GALNT14: variants seen among roughly 807,000 people sequenced by gnomAD.
GALNT14 encodes the protein polypeptide N-acetylgalactosaminyltransferase 14.
A neutral mutation model predicts 77.5 loss-of-function variants in GALNT14; 60 were observed. The observed-to-expected ratio is 0.77, with a 90% CI of 0.63 to 0.96. The LOEUF (loss-of-function observed/expected upper bound fraction) is 0.96, where lower values mean the gene tolerates loss of function less well. Among genes scored for constraint, GALNT14 ranks in the 40% least tolerant of loss-of-function variants. GALNT14 has a pLI of 0.00. For synonymous variants in GALNT14, 280 were observed against 281.7 expected (o/e 0.99, Z 0.06); for missense variants, 710 against 731.0 (o/e 0.97, Z 0.33).
intron 1 of GALNT14, among the ~76,000 whole-genome samples, chr2:31,023,704 T>C (rs1352757810): frequency 6.6e-6 from 1 of 152,054 alleles, no homozygotes; most frequent in African/African-American, 2.4e-5. Flanking sequence ...GCAGCATCCA[T>C]GGTTGGCACA....
At chr2:31,007,782 T>G (rs969511274) in intron 1 of GALNT14, among the ~76,000 whole-genome samples, 3 of 152,168 alleles carry the variant, frequency 2.0e-5, no homozygotes, top group Non-Finnish European at 4.4e-5. Context: ...CCTTAGTGCA[T>G]TAAAATCAGA....
intron 1 of GALNT14, 75 bp downstream of exon 1, chr2:31,137,883 C>A: frequency 6.5e-7 from 1 of 1,533,922 alleles, no homozygotes; most frequent in South Asian, 1.2e-5. Flanking sequence ...CCCGGGAGCC[C>A]GCAAACCCGG....
At chr2:30,930,832 A>T (rs866946546) in intron 10 of GALNT14, among the ~76,000 whole-genome samples, 17 of 152,362 alleles carry the variant, frequency 1.1e-4, no homozygotes, top group Middle Eastern at 6.8e-3. Flanking sequence ...CCATTAGCAC[A>T]TTGGAAGCTG....
At chr2:30,890,561 A>T in the GALNT14 span, among the ~76,000 whole-genome samples, 2 of 152,180 alleles carry the variant, frequency 1.3e-5, no homozygotes, top group Non-Finnish European at 2.9e-5. Context: ...AAATAGTAAT[A>T]GTAGTACTTG....
At chr2:30,927,174 G>A (rs1196018598) in intron 11 of GALNT14, among the ~76,000 whole-genome samples, 1 of 152,100 alleles carries the variant, frequency 6.6e-6, no homozygotes, top group Non-Finnish European at 1.5e-5. Flanking sequence ...CTGGTGTGGG[G>A]TCTTTAGAAA....
chr2:31,034,207 A>G (rs1270449012), intron 1 of GALNT14, among the ~76,000 whole-genome samples: 1 of 151,834 alleles, frequency 6.6e-6, no homozygotes, highest in African/African-American at 2.4e-5. Context: ...CCTTGCACCA[A>G]CCCTGACCCT....
chr2:30,972,925 T>G (rs1668446740), intron 2 of GALNT14, among the ~76,000 whole-genome samples: 1 of 152,192 alleles, frequency 6.6e-6, no homozygotes, highest in African/African-American at 2.4e-5. Context: ...GGCGAAGATG[T>G]GACCTCAGCA....
At chr2:31,135,709 T>C (rs542357291) in intron 1 of GALNT14, among the ~76,000 whole-genome samples, 1 of 152,330 alleles carries the variant, frequency 6.6e-6, no homozygotes, top group South Asian at 2.1e-4. Flanking sequence ...CTTCTGCTAC[T>C]AAACCACTCC....
At chr2:31,042,777 G>C (rs999486444) in intron 1 of GALNT14, among the ~76,000 whole-genome samples, 33 of 152,120 alleles carry the variant, frequency 2.2e-4, no homozygotes, top group African/African-American at 7.7e-4. Context: ...CTTGGTTCCA[G>C]CCTCCACCGT....
intron 1 of GALNT14, among the ~76,000 whole-genome samples, chr2:31,003,685 C>T (rs980053332): frequency 1.3e-5 from 2 of 152,212 alleles, no homozygotes; most frequent in Non-Finnish European, 2.9e-5. Flanking sequence ...GGGAAGCTTC[C>T]AGCTTTCTGG....
intron 1 of GALNT14, among the ~76,000 whole-genome samples, chr2:31,017,909 A>C (rs1315162970): frequency 3.9e-5 from 6 of 152,256 alleles, no homozygotes; most frequent in Non-Finnish European, 8.8e-5. Flanking sequence ...TTGTTCAACA[A>C]GGGTGAGATG....
intron 1 of GALNT14, among the ~76,000 whole-genome samples, chr2:31,103,031 C>A (rs1421613341): frequency 6.6e-6 from 1 of 152,102 alleles, no homozygotes. Flanking sequence ...TTAGGGGCAT[C>A]TCTATAAACA....
Position 30,982,500 on chromosome 2 carries a change from G to A in GALNT14, c.299+10338C>T, listed in dbSNP as rs898969366. ...ACAGCAATGAGAATAAACAAACTGT[G>A]TCTTGCAAAATGTGGCTGAGTTTCA... On this transcript the variant is annotated intron_variant, in intron 2 of 14. Coordinates refer to ENST00000349752, the MANE Select transcript of GALNT14 (RefSeq NM_024572.4). Among the ~76,000 whole-genome samples the A allele has an allele frequency of 6.6e-5, 10 of 152,336 alleles. No individual in the cohort carries two copies. The South Asian group carries it at 1.4e-3, about 22-fold the overall frequency.
rs188194979 is a variant in GALNT14, at chr2:31,122,256, A to G, written c.129+15702T>C. 2.2e-4 allele frequency among the ~76,000 whole-genome samples: 33 copies of G among 152,338 alleles called. No individual in the cohort carries two copies. The East Asian group carries it at 5.6e-3, about 26-fold the overall frequency. The stretch of plus-strand genomic sequence containing the variant: ...AAGCAGAACGTGAAGGGCACAGTCA[A>G]TGATGAAACAGCCGTGATGGTGATA... On this transcript the variant is annotated intron_variant, in intron 1 of 14. Coordinates refer to ENST00000349752, the MANE Select transcript of GALNT14 (RefSeq NM_024572.4).
chr2:30,932,280 C>T, intron 9 of GALNT14, 86 bp from the exon 10 acceptor site: 5 of 1,271,702 alleles, frequency 3.9e-6, no homozygotes, highest in Non-Finnish European at 5.2e-6. Flanking sequence ...CGGTGAGGCC[C>T]CCGCAGAGGC....
intron 1 of GALNT14, among the ~76,000 whole-genome samples, chr2:31,113,282 G>T (rs1304361089): frequency 6.6e-6 from 1 of 152,198 alleles, no homozygotes; most frequent in Non-Finnish European, 1.5e-5. Flanking sequence ...GCACACAGGT[G>T]TGGAGTCTAA....
intron 1 of GALNT14, among the ~76,000 whole-genome samples, chr2:31,064,448 C>G (rs1054983086): frequency 5.3e-5 from 8 of 152,184 alleles, no homozygotes; most frequent in Admixed American, 2.6e-4. Flanking sequence ...CAAACCCTGT[C>G]CCCGAAAACC....
At chr2:31,072,164 G>A (rs879920233) in intron 1 of GALNT14, among the ~76,000 whole-genome samples, 9 of 152,098 alleles carry the variant, frequency 5.9e-5, no homozygotes, top group Non-Finnish European at 1.3e-4. Flanking sequence ...GCTGTGGGGT[G>A]CAGAGGTGGA....
chr2:31,076,945 A>T lies in GALNT14; in HGVS notation c.129+61013T>A, dbSNP rs1675838010. Among the ~76,000 whole-genome samples the T allele has an allele frequency of 3.9e-5, 6 of 152,274 alleles. No homozygotes were observed. The South Asian group carries it at 1.2e-3, about 32-fold the overall frequency. ...TTCCAGTGCCTTGTACAAGTGCTGAATTTTGCACAATGCCACTCCATCCCT... is the reference window on the plus strand; with the variant it reads ...TTCCAGTGCCTTGTACAAGTGCTGATTTTTGCACAATGCCACTCCATCCCT... On this transcript the variant is annotated intron_variant, in intron 1 of 14. Transcript: ENST00000349752.
Sources: gnomAD v4.1 joint callset for allele counts (sites outside exome capture counted in the v4.1 genomes callset) on GRCh38, gnomAD v4.1.1 for gene constraint, MANE v1.5 for transcripts, NCBI Gene and HGNC (gene_info 2026-07-23, HGNC 2026-07-21) for gene names.